Variants in GRIK3 observed in about 807,000 individuals in gnomAD.
GRIK3 encodes the protein glutamate receptor ionotropic, kainate 3.
In GRIK3, 29 loss-of-function variants were observed where a neutral mutation model predicts 102.5. That is an observed-to-expected ratio of 0.28 (90% CI 0.21 to 0.39). The LOEUF (loss-of-function observed/expected upper bound fraction) is 0.39, where lower values mean the gene tolerates loss of function less well. Among genes scored for constraint, GRIK3 ranks in the 10% least tolerant of loss-of-function variants. The pLI is 1.00. For synonymous variants in GRIK3, 511 were observed against 504.9 expected (o/e 1.01, Z -0.16); for missense variants, 908 against 1,252.4 (o/e 0.73, Z 4.15).
intron 1 of GRIK3, among the ~76,000 whole-genome samples, chr1:37,032,871 G>A (rs1033977708): frequency 2.0e-5 from 3 of 152,182 alleles, no homozygotes; most frequent in Non-Finnish European, 4.4e-5. Flanking sequence ...GCCCGACACC[G>A]GTTCCGGCAC....
At chr1:36,911,558 TC>T (rs1210404010) in intron 1 of GRIK3, among the ~76,000 whole-genome samples, 1 of 152,050 alleles carries the variant, frequency 6.6e-6, no homozygotes, top group African/African-American at 2.4e-5. Flanking sequence ...GATGTGCACT[TC>T]CCTGGGGTCC....
chr1:36,962,117 C>T (rs566229479), intron 1 of GRIK3, among the ~76,000 whole-genome samples: 58 of 152,268 alleles, frequency 3.8e-4, no homozygotes, highest in African/African-American at 1.3e-3. Context: ...GCAGGAGCAC[C>T]GGCCCTGCAC....
At chr1:36,974,783 G>A (rs968470707) in intron 1 of GRIK3, among the ~76,000 whole-genome samples, 46 of 143,784 alleles carry the variant, frequency 3.2e-4, no homozygotes, top group African/African-American at 1.2e-3. Flanking sequence ...CTGGGTGACA[G>A]AGCGAGACTC....
chr1:36,898,493 T>C (rs1641198189), intron 1 of GRIK3, among the ~76,000 whole-genome samples: 1 of 152,128 alleles, frequency 6.6e-6, no homozygotes, highest in African/African-American at 2.4e-5. Context: ...AAATTTAAAA[T>C]GTAAAAAGCT....
At chr1:36,978,010 T>A (rs1570840504) in intron 1 of GRIK3, among the ~76,000 whole-genome samples, 1 of 152,258 alleles carries the variant, frequency 6.6e-6, no homozygotes, top group Non-Finnish European at 1.5e-5. Flanking sequence ...ATTATGGCAG[T>A]GTTCCCTACT....
At chr1:36,839,526 T>C (rs534460649) in intron 10 of GRIK3, among the ~76,000 whole-genome samples, 7 of 152,016 alleles carry the variant, frequency 4.6e-5, no homozygotes, top group African/African-American at 1.7e-4. Flanking sequence ...CTCCCCAGCC[T>C]CCAAGGAATA....
At chr1:36,809,431 T>C (rs930018632) in intron 13 of GRIK3, among the ~76,000 whole-genome samples, 1 of 151,968 alleles carries the variant, frequency 6.6e-6, no homozygotes, top group Non-Finnish European at 1.5e-5. Context: ...TCCATCCCTT[T>C]CTCCTTCTCA....
At position 37,028,686 on chromosome 1, in the gene GRIK3, C is replaced by T. The variant is rs548207753; in HGVS notation, c.115+5308G>A. Among the ~76,000 whole-genome samples, 6 of 152,330 alleles carry T rather than the reference C, an allele frequency of 3.9e-5. No individual in the cohort carries two copies. The South Asian group carries it at 1.2e-3, about 32-fold the overall frequency. On this transcript the variant is annotated intron_variant, in intron 1 of 15. Coordinates refer to ENST00000373091, the MANE Select transcript of GRIK3 (RefSeq NM_000831.4). ...GCATTCAGCCCCTTAAAAACTGTTT[C>T]TTGCCATCTCCAGATGGCACAGCCA...
At chr1:36,928,671 C>T (rs1471173993) in intron 1 of GRIK3, among the ~76,000 whole-genome samples, 2 of 152,222 alleles carry the variant, frequency 1.3e-5, no homozygotes, top group Non-Finnish European at 2.9e-5. Context: ...TCCCTGGTTT[C>T]CCACAATCCA....
Position 36,846,986 on chromosome 1 carries a change from A to G in GRIK3, c.1326+3325T>C, listed in dbSNP as rs888725374. ...TTCCCTCCATTCCCCTGCCTCCAGG[A>G]AACAGTAGGCTTCTCTCACTGCCCC... On this transcript the variant is annotated intron_variant, in intron 9 of 15. Transcript: ENST00000373091. Among the ~76,000 whole-genome samples, 5 of 152,356 alleles carry G rather than the reference A, an allele frequency of 3.3e-5. No individual in the cohort carries two copies. In the South Asian group the frequency reaches 8.3e-4, roughly 25 times the overall value.
At chr1:36,873,915 C>G (rs1358213368) in intron 3 of GRIK3, among the ~76,000 whole-genome samples, 2 of 152,264 alleles carry the variant, frequency 1.3e-5, no homozygotes, top group East Asian at 3.9e-4. Context: ...CCACGTAGAC[C>G]TCGAGAAGGA....
At chr1:36,903,930 C>T (rs1219942291) in intron 1 of GRIK3, among the ~76,000 whole-genome samples, 2 of 152,080 alleles carry the variant, frequency 1.3e-5, no homozygotes, top group African/African-American at 4.8e-5. Flanking sequence ...ACAGAATGTA[C>T]ACCACCAAGA....
In GRIK3 at chr1:36,939,165, C is replaced by T. The variant is rs538892626; in HGVS notation, c.116-48069G>A. Among the ~76,000 whole-genome samples the T allele has an allele frequency of 1.4e-3, 218 of 152,354 alleles. 2 individuals carry two copies. The highest frequency in any genetic ancestry group is 2.0e-3 in the Non-Finnish European group (137 of 68,040). ...GCAATCAAAGCCTAATATCCTTCCA[C>T]CACACAACGCATGGAAGTGAAACAT... On this transcript the variant is annotated intron_variant, in intron 1 of 15. Transcript: ENST00000373091.
chr1:36,804,120 C>A (rs767093521), intron 15 of GRIK3, among the ~76,000 whole-genome samples: 6 of 152,250 alleles, frequency 3.9e-5, no homozygotes, highest in Non-Finnish European at 8.8e-5. Flanking sequence ...CTTTCCCCCT[C>A]CTCTTTGTTG....
At chr1:36,854,385 G>A (rs1031882331) in intron 7 of GRIK3, among the ~76,000 whole-genome samples, 12 of 152,098 alleles carry the variant, frequency 7.9e-5, no homozygotes, top group Non-Finnish European at 1.6e-4. Flanking sequence ...TACTGAGAAC[G>A]GTCCCGGCAC....
At chr1:36,948,843 T>G (rs144895649) in intron 1 of GRIK3, among the ~76,000 whole-genome samples, 1 of 152,178 alleles carries the variant, frequency 6.6e-6, no homozygotes, top group African/African-American at 2.4e-5. Flanking sequence ...GGAGCTATTC[T>G]AAAAATATAG....
At chr1:36,884,392 C>T (rs1641016323) in intron 2 of GRIK3, among the ~76,000 whole-genome samples, 1 of 152,222 alleles carries the variant, frequency 6.6e-6, no homozygotes, top group African/African-American at 2.4e-5. Flanking sequence ...ATGCTCGGAC[C>T]TGCACCCTCA....
intron 1 of GRIK3, among the ~76,000 whole-genome samples, chr1:37,025,860 T>C (rs1642760285): frequency 6.6e-6 from 1 of 152,204 alleles, no homozygotes; most frequent in South Asian, 2.1e-4. Flanking sequence ...TTAACTACCA[T>C]TCAGCATGGC....
intron 1 of GRIK3, among the ~76,000 whole-genome samples, chr1:37,027,143 G>A (rs1161210100): frequency 2.0e-5 from 3 of 152,050 alleles, no homozygotes; most frequent in Non-Finnish European, 4.4e-5. Context: ...AGGAAGCAAG[G>A]AGAAGGACCT....
Sources: allele counts gnomAD v4.1 joint callset (sites outside exome capture counted in the v4.1 genomes callset), GRCh38; gene constraint gnomAD v4.1.1; transcripts MANE v1.5; gene names NCBI Gene and HGNC (gene_info 2026-07-23, HGNC 2026-07-21).